The following NRG3 variants were observed in gnomAD, a reference collection of about 807,000 sequenced individuals.
The protein encoded by NRG3 is neuregulin 3, also known as pro-neuregulin-3, membrane-bound isoform.
NRG3 carries 31 observed loss-of-function variants against 66.9 expected under a neutral mutation model. That is an observed-to-expected ratio of 0.46 (90% CI 0.35 to 0.63). NRG3 has a LOEUF of 0.63. Among genes scored for constraint, NRG3 ranks in the 20% least tolerant of loss-of-function variants. The probability of loss-of-function intolerance (pLI) is 0.00; values close to 1 mark genes in which losing one functional copy is unlikely to be tolerated. For synonymous variants in NRG3, 393 were observed against 359.4 expected (o/e 1.09, Z -1.06); for missense variants, 910 against 878.9 (o/e 1.04, Z -0.45).
At chr10:82,916,437 G>A (rs1845835268) in intron 4 of NRG3, among the ~76,000 whole-genome samples, 2 of 152,170 alleles carry the variant, frequency 1.3e-5, no homozygotes, top group Admixed American at 6.5e-5. Context: ...GGGTGACAGA[G>A]CAAGACCTTG....
intron 2 of NRG3, among the ~76,000 whole-genome samples, chr10:82,604,219 C>G (rs1052048644): frequency 2.6e-5 from 4 of 152,080 alleles, no homozygotes; most frequent in Non-Finnish European, 4.4e-5. Flanking sequence ...CCCCCTGAAC[C>G]CTTGGCAAAC....
At chr10:82,125,732 C>T (rs908197543) in intron 1 of NRG3, among the ~76,000 whole-genome samples, 2 of 151,932 alleles carry the variant, frequency 1.3e-5, no homozygotes, top group Non-Finnish European at 2.9e-5. Context: ...ATTATCTTCC[C>T]TCTCCAGGTG....
intron 3 of NRG3, among the ~76,000 whole-genome samples, chr10:82,837,483 A>T (rs1465884202): frequency 4.6e-5 from 7 of 152,160 alleles, no homozygotes; most frequent in Non-Finnish European, 1.5e-5. Flanking sequence ...AAAACTACTG[A>T]TAAGAAATGG....
At chr10:82,941,123 C>G (rs1232663285) in intron 4 of NRG3, among the ~76,000 whole-genome samples, 1 of 151,938 alleles carries the variant, frequency 6.6e-6, no homozygotes, top group East Asian at 1.9e-4. Context: ...GGACTGGAGG[C>G]CCCCCACCCC....
intron 1 of NRG3, among the ~76,000 whole-genome samples, chr10:82,227,053 G>A (rs955573295): frequency 1.3e-5 from 2 of 152,068 alleles, no homozygotes; most frequent in East Asian, 1.9e-4. Flanking sequence ...ACATGTTGGC[G>A]GTATGTATGA....
intron 2 of NRG3, among the ~76,000 whole-genome samples, chr10:82,645,086 T>C (rs2050844173): frequency 6.6e-6 from 1 of 152,192 alleles, no homozygotes; most frequent in Non-Finnish European, 1.5e-5. Flanking sequence ...ATTTTGCTGC[T>C]GTTTTCATAT....
intron 2 of NRG3, among the ~76,000 whole-genome samples, chr10:82,635,042 CT>C (rs1260877711): frequency 6.6e-6 from 1 of 152,136 alleles, no homozygotes; most frequent in Non-Finnish European, 1.5e-5. Context: ...ATACTTATAT[CT>C]TTTGGATTTA....
Position 82,985,194 on chromosome 10 carries a change from A to G in NRG3, c.1680A>G (p.Gln560=), listed in dbSNP as rs774807899. 2 of 1,614,172 alleles carry G rather than the reference A, an allele frequency of 1.2e-6. No individual in the cohort carries two copies. The highest frequency in any genetic ancestry group is 1.1e-5 in the South Asian group (1 of 91,084). Residue 560 remains glutamine (Q), a synonymous_variant, in exon 9 of 9, where the codon CAA becomes CAG. Coordinates refer to ENST00000372141, the MANE Select transcript of NRG3 (RefSeq NM_001010848.4). ...ETNPYFNSLE[Q]KDLVGYSSTR... is the part of the protein sequence containing the mutation. The stretch of plus-strand genomic sequence containing the variant: ...ACCCCTATTTTAATAGCTTGGAGCA[A>G]AAGGACCTGGTGGGCTATTCATCCA...
chr10:82,278,939 C>T (rs775867563), intron 1 of NRG3, among the ~76,000 whole-genome samples: 2 of 152,132 alleles, frequency 1.3e-5, no homozygotes, highest in African/African-American at 4.8e-5. Context: ...GTGTCTGCTT[C>T]GGTTTCCTCA....
intron 2 of NRG3, among the ~76,000 whole-genome samples, chr10:82,612,516 A>G (rs2048377434): frequency 6.6e-6 from 1 of 152,210 alleles, no homozygotes; most frequent in Admixed American, 6.5e-5. Flanking sequence ...TTTTTGAATT[A>G]GCAGAAAAAC....
At chr10:82,911,941 T>A in intron 4 of NRG3, among the ~76,000 whole-genome samples, 1 of 152,070 alleles carries the variant, frequency 6.6e-6, no homozygotes, top group East Asian at 1.9e-4. Flanking sequence ...GTATTTTCAT[T>A]TTTCTTTAAT....
intron 2 of NRG3, among the ~76,000 whole-genome samples, chr10:82,429,033 G>A (rs1182143425): frequency 6.6e-6 from 1 of 151,744 alleles, no homozygotes; most frequent in Non-Finnish European, 1.5e-5. Flanking sequence ...TGAGTTATTT[G>A]CTTAGTTTTT....
At chr10:82,241,369 G>A (rs1463025896) in intron 1 of NRG3, among the ~76,000 whole-genome samples, 1 of 152,022 alleles carries the variant, frequency 6.6e-6, no homozygotes, top group Non-Finnish European at 1.5e-5. Context: ...TCAGTAAAAT[G>A]TCTATATCTG....
chr10:81,987,832 G>A (rs2060583842), intron 1 of NRG3, among the ~76,000 whole-genome samples: 1 of 152,104 alleles, frequency 6.6e-6, no homozygotes, highest in Admixed American at 6.6e-5. Context: ...AGTGAAAAAT[G>A]TTTGTTTTAT....
chr10:82,954,599 A>G (rs1849852043), intron 5 of NRG3, among the ~76,000 whole-genome samples: 1 of 151,870 alleles, frequency 6.6e-6, no homozygotes, highest in African/African-American at 2.4e-5. Context: ...ATGATGATAC[A>G]AATGGAAGTA....
intron 2 of NRG3, among the ~76,000 whole-genome samples, chr10:82,413,964 A>G (rs988032654): frequency 5.3e-5 from 8 of 152,144 alleles, no homozygotes; most frequent in Non-Finnish European, 1.0e-4. Context: ...TATTCAGACC[A>G]CTAAAACTTT....
intron 3 of NRG3, among the ~76,000 whole-genome samples, chr10:82,820,899 C>G (rs1054993245): frequency 1.3e-5 from 2 of 152,100 alleles, no homozygotes; most frequent in African/African-American, 4.8e-5. Context: ...TAGAGTCTTC[C>G]CTTGCTTTCA....
chr10:82,483,442 T>C (rs1842443912), intron 2 of NRG3, among the ~76,000 whole-genome samples: 1 of 152,192 alleles, frequency 6.6e-6, no homozygotes, highest in Non-Finnish European at 1.5e-5. Context: ...GAAAATAATC[T>C]GGCTTTCAAA....
At chr10:82,887,483 T>G (rs1391349980) in intron 4 of NRG3, among the ~76,000 whole-genome samples, 2 of 152,236 alleles carry the variant, frequency 1.3e-5, no homozygotes, top group Non-Finnish European at 2.9e-5. Context: ...TAATTGAGTT[T>G]CAACTAAATG....
Sources: gnomAD v4.1 joint callset for allele counts (sites outside exome capture counted in the v4.1 genomes callset) on GRCh38, gnomAD v4.1.1 for gene constraint, MANE v1.5 for transcripts, NCBI Gene and HGNC (gene_info 2026-07-23, HGNC 2026-07-21) for gene names.